Variants in TTC17 observed in about 807,000 individuals in gnomAD.
TTC17 encodes tetratricopeptide repeat domain 17.
TTC17 carries 58 observed loss-of-function variants against 143.8 expected under a neutral mutation model. The observed-to-expected ratio is 0.40, with a 90% confidence interval of 0.33 to 0.50. The LOEUF is 0.50. TTC17 is among the 20% of genes least tolerant of loss of function. The pLI is 0.49. For missense variants in TTC17, 1,273 were observed against 1,392.5 expected, an observed-to-expected ratio of 0.91 and a Z score of 1.37; for synonymous variants, 501 against 497.8, an observed-to-expected ratio of 1.01 and a Z score of -0.09.
At chr11:43,486,531 T>G in intron 21 of TTC17, 1 of 343,288 alleles carries the variant, frequency 2.9e-6, no homozygotes, top group South Asian at 2.2e-5. Flanking sequence ...AGTATACATG[T>G]ATGTCAGAGA....
intron 1 of TTC17, among the ~76,000 whole-genome samples, chr11:43,359,945 G>C (rs1188966981): frequency 6.6e-6 from 1 of 152,218 alleles, no homozygotes; most frequent in Non-Finnish European, 1.5e-5. Context: ...CCTAACGAGT[G>C]CGTGTGTGTG....
At chr11:43,395,944 G>A (rs1043601822) in intron 5 of TTC17, among the ~76,000 whole-genome samples, 1 of 151,908 alleles carries the variant, frequency 6.6e-6, no homozygotes, top group South Asian at 2.1e-4. Context: ...TAGAATTGTG[G>A]GAGTCAAAGG....
intron 16 of TTC17, among the ~76,000 whole-genome samples, chr11:43,421,634 C>A (rs768755803): frequency 6.6e-6 from 1 of 152,174 alleles, no homozygotes; most frequent in Non-Finnish European, 1.5e-5. Context: ...CTAGGTTACA[C>A]GATCCTTATG....
At chr11:43,458,977 G>T (rs997930103) in intron 21 of TTC17, among the ~76,000 whole-genome samples, 2 of 146,658 alleles carry the variant, frequency 1.4e-5, no homozygotes, top group Admixed American at 6.8e-5. Flanking sequence ...CGAATAGTTT[G>T]TATAAGGTTC....
intron 13 of TTC17, among the ~76,000 whole-genome samples, chr11:43,406,543 C>T (rs1247857300): frequency 6.6e-6 from 1 of 150,852 alleles, no homozygotes; most frequent in Non-Finnish European, 1.5e-5. Context: ...ACCTTTTTAG[C>T]AATCACAGAC....
chr11:43,396,186 A>G (rs1215862403), intron 5 of TTC17: 1 of 150,168 alleles, frequency 6.7e-6, no homozygotes, highest in African/African-American at 2.4e-5. Flanking sequence ...GTGAAGTTAC[A>G]CATTTTACAT....
At chr11:43,369,112 A>T (rs981994854) in intron 1 of TTC17, among the ~76,000 whole-genome samples, 1 of 152,114 alleles carries the variant, frequency 6.6e-6, no homozygotes, top group African/African-American at 2.4e-5. Context: ...CTTTTCACTT[A>T]CCTTCCTTTT....
intron 1 of TTC17, among the ~76,000 whole-genome samples, chr11:43,369,596 A>G (rs2134448366): frequency 6.6e-6 from 1 of 152,052 alleles, no homozygotes; most frequent in African/African-American, 2.4e-5. Flanking sequence ...ATATCCTGTA[A>G]GATTAAAATT....
intron 4 of TTC17, 37 bp downstream of exon 4, chr11:43,391,613 TTGC>T: frequency 4.4e-6 from 4 of 911,382 alleles, no homozygotes; most frequent in South Asian, 1.7e-5. Flanking sequence ...TTTTTTTGCG[TTGC>T]GTTCTTCTTT....
chr11:43,421,504 C>T (rs1017692173), intron 16 of TTC17, among the ~76,000 whole-genome samples: 4 of 152,294 alleles, frequency 2.6e-5, no homozygotes, highest in African/African-American at 7.2e-5. Flanking sequence ...GCTTCACCTG[C>T]GTTTACAGTC....
At chr11:43,435,150 A>C (rs1263157035) in intron 16 of TTC17, 1 of 151,520 alleles carries the variant, frequency 6.6e-6, no homozygotes, top group Non-Finnish European at 1.5e-5. Flanking sequence ...TCTTTGAGAC[A>C]ACATTCTCTA....
At chr11:43,436,203 A>C in intron 16 of TTC17, 1 of 1,457,434 alleles carries the variant, frequency 6.9e-7, no homozygotes, top group Non-Finnish European at 9.0e-7. Context: ...AGCCATGACA[A>C]ACAGAAATAT....
Position 43,450,264 on chromosome 11 carries a change from G to T in TTC17, c.2946+23G>T. The T allele has an allele frequency of 5.6e-6, 9 of 1,600,464 alleles. No individual in the cohort carries two copies. In the South Asian group the frequency reaches 8.9e-5, roughly 16 times the overall value. ...GAGGTGAGTGCTCGGCTTTGTTCAG[G>T]CTGTTTTTTAGCCTCACAGTTAGGA... On this transcript the variant is annotated intron_variant, in intron 20 of 23. Transcript: ENST00000039989.
At chr11:43,407,282 A>C in intron 14 of TTC17, 67 bp downstream of exon 14, 3 of 1,567,274 alleles carry the variant, frequency 1.9e-6, no homozygotes, top group Non-Finnish European at 2.6e-6. Context: ...GTTAAAATGC[A>C]CTTATTAAAA....
intron 16 of TTC17, among the ~76,000 whole-genome samples, chr11:43,435,871 G>A (rs117579870): frequency 6.6e-6 from 1 of 152,262 alleles, no homozygotes; most frequent in Non-Finnish European, 1.5e-5. Context: ...AATATTTCAT[G>A]GCCATTATGA....
intron 6 of TTC17, 33 bp downstream of exon 6, chr11:43,396,851 C>T (rs995462602): frequency 7.2e-7 from 1 of 1,397,528 alleles, no homozygotes; most frequent in Non-Finnish European, 1.0e-6. Flanking sequence ...CCTGATTTTC[C>T]ACATTCCTCA....
intron 21 of TTC17, among the ~76,000 whole-genome samples, chr11:43,461,110 C>T (rs1040146158): frequency 2.0e-5 from 3 of 152,282 alleles, no homozygotes; most frequent in Admixed American, 6.5e-5. Context: ...GCCGGCCGGG[C>T]GCGGTGGCTC....
At position 43,391,851 on chromosome 11, in the gene TTC17, C is replaced by A; in HGVS notation, c.562C>A (p.Pro188Thr). 1 of 1,613,704 alleles carries A rather than the reference C, an allele frequency of 6.2e-7. No homozygotes were observed. Among genetic ancestry groups the A allele is most frequent in the Non-Finnish European group, 8.5e-7 (1 of 1,179,906 alleles). The part of the protein sequence containing the change: ...GVQERVNLSA[P>T]LLPKEDPIFT... ...ACAGGAGAGAGTTAATCTTTCTGCA[C>A]CTCTGCTACCTAAAGAAGACCCAAT... Residue 188 changes from proline (P) to threonine (T), a missense_variant, in exon 5 of 24, where the codon CCT becomes ACT. Coordinates refer to ENST00000039989, the MANE Select transcript of TTC17 (RefSeq NM_018259.6).
chr11:43,407,198 T>C lies in TTC17; in HGVS notation c.1822T>C (p.Phe608Leu). 6.3e-7 allele frequency: 1 copy of C among 1,597,822 alleles called. No individual in the cohort carries two copies. Among genetic ancestry groups the C allele is most frequent in the African/African-American group, 1.4e-5 (1 of 73,934 alleles). The change falls in exon 14 of 24, where the codon TTT becomes CTT. Residue 608 changes from phenylalanine to leucine, a missense_variant. Around this residue, in one of 3 missense-constraint regions of TTC17, gnomAD observed 878 missense variants for 899.8 expected, o/e 0.98. Coordinates refer to ENST00000039989, the MANE Select transcript of TTC17 (RefSeq NM_018259.6). ...AGAAGAAGAAATTGGGTCTTTCTTA[T>C]TTCATGCTATTAATAAGGTGAGTCA... is the stretch of plus-strand genomic sequence containing the variant. Reference protein sequence around the residue: ...IPEEEIGSFLFHAINKPNAPI... With the variant: ...IPEEEIGSFLLHAINKPNAPI...
Sources: allele counts gnomAD v4.1 joint callset (sites outside exome capture counted in the v4.1 genomes callset), GRCh38; gene constraint gnomAD v4.1.1; regional missense constraint gnomAD v4.1.1; transcripts MANE v1.5; gene names NCBI Gene and HGNC (gene_info 2026-07-23, HGNC 2026-07-21).